Variants in CWF19L2 observed in about 807,000 individuals in gnomAD.
CWF19L2 encodes CWF19-like protein 2.
Under a neutral mutation model 111.7 loss-of-function variants are expected in CWF19L2, and 98 were observed. The ratio of observed to expected loss-of-function variants is 0.88; its 90% CI spans 0.75 to 1.04. CWF19L2 has a LOEUF of 1.04. CWF19L2 is among the 50% of genes least tolerant of loss of function. CWF19L2 has a pLI of 0.00. For synonymous variants in CWF19L2, 351 were observed against 342.9 expected (o/e 1.02, Z -0.26); for missense variants, 1,101 against 1,051.4 (o/e 1.05, Z -0.65).
At chr11:107,361,944 T>C (rs985929715) in intron 12 of CWF19L2, among the ~76,000 whole-genome samples, 1 of 152,044 alleles carries the variant, frequency 6.6e-6, no homozygotes, top group East Asian at 1.9e-4. Flanking sequence ...TGCCAGACAG[T>C]GGGCGCAGGT....
At chr11:107,356,351 C>T (rs1206898257) in intron 12 of CWF19L2, among the ~76,000 whole-genome samples, 1 of 151,960 alleles carries the variant, frequency 6.6e-6, no homozygotes, top group Non-Finnish European at 1.5e-5. Flanking sequence ...AAATAAAACC[C>T]AATGTAAATA....
At chr11:107,345,013 T>C (rs981399815) in intron 14 of CWF19L2, among the ~76,000 whole-genome samples, 1 of 152,148 alleles carries the variant, frequency 6.6e-6, no homozygotes, top group Non-Finnish European at 1.5e-5. Flanking sequence ...CCACTGATAC[T>C]ATCCTGACTG....
At chr11:107,393,085 A>G (rs1860872555) in intron 10 of CWF19L2, among the ~76,000 whole-genome samples, 190 bp from the exon 11 acceptor site, 1 of 152,178 alleles carries the variant, frequency 6.6e-6, no homozygotes, top group African/African-American at 2.4e-5. Context: ...AGGGTAAAAA[A>G]TACCCAATGT....
At chr11:107,446,369 G>A (rs7126753) in intron 3 of CWF19L2, among the ~76,000 whole-genome samples, 1,537 of 152,132 alleles carry the variant, frequency 0.01, 25 homozygotes, top group African/African-American at 0.035. Flanking sequence ...CTCTGCTCTC[G>A]CAATTCCTTA....
chr11:107,450,076 GTGAC>G (rs1190650836), intron 3 of CWF19L2, among the ~76,000 whole-genome samples: 3 of 151,646 alleles, frequency 2.0e-5, no homozygotes, highest in East Asian at 3.9e-4. Context: ...TCCAGCCTGG[GTGAC>G]AGTGTGAGAC....
chr11:107,450,204 G>A (rs1254993682), intron 3 of CWF19L2, among the ~76,000 whole-genome samples: 1 of 151,930 alleles, frequency 6.6e-6, no homozygotes, highest in Non-Finnish European at 1.5e-5. Context: ...AAGACTTTGA[G>A]ACCAGGCTGG....
At chr11:107,357,045 C>CAAAACA (rs60904777) in intron 12 of CWF19L2, among the ~76,000 whole-genome samples, 36,634 of 150,706 alleles carry the variant, frequency 0.24, 5,016 homozygotes, top group Non-Finnish European at 0.31. Flanking sequence ...TCTCAAACAA[C>CAAAACA]AAAACAAAAA....
chr11:107,340,577 A>G (rs985316684), intron 14 of CWF19L2, among the ~76,000 whole-genome samples: 1 of 152,212 alleles, frequency 6.6e-6, no homozygotes, highest in Non-Finnish European at 1.5e-5. Flanking sequence ...ATATGTAATA[A>G]TCTTGCTTAT....
intron 3 of CWF19L2, among the ~76,000 whole-genome samples, chr11:107,445,326 C>G (rs1317232019): frequency 6.6e-6 from 1 of 152,200 alleles, no homozygotes; most frequent in Admixed American, 6.5e-5. Context: ...GCACCCCAGG[C>G]TGGGCGCGGT....
chr11:107,374,424 G>A lies in CWF19L2; in HGVS notation c.1872+15650C>T, dbSNP rs1412981947. Among the ~76,000 whole-genome samples the A allele has an allele frequency of 1.2e-4, 13 of 106,548 alleles. 1 individual carries two copies. The highest frequency in any genetic ancestry group is 2.7e-4 in the Admixed American group (3 of 11,076). 69.9% of individuals were successfully genotyped at this position (106,548 alleles called of 152,430 possible). A position where few individuals can be genotyped will look rare whatever the true frequency, so the allele number is the denominator to read the frequency against. ...CCATCAGACTAACAGCAGATCTCTC[G>A]GCAGAAACTCTACAAGCCAGAAGAG... On this transcript the variant is annotated intron_variant, in intron 12 of 17. Coordinates refer to ENST00000282251, the MANE Select transcript of CWF19L2 (RefSeq NM_152434.3).
At chr11:107,395,185 T>C (rs908081516) in intron 10 of CWF19L2, among the ~76,000 whole-genome samples, 17 of 152,192 alleles carry the variant, frequency 1.1e-4, no homozygotes, top group African/African-American at 3.6e-4. Flanking sequence ...TGATAGTGAA[T>C]GGATCTCATG....
At chr11:107,328,266 G>A (rs1859792504) in intron 17 of CWF19L2, among the ~76,000 whole-genome samples, 1 of 151,912 alleles carries the variant, frequency 6.6e-6, no homozygotes, top group South Asian at 2.1e-4. Context: ...AGAGAAATAG[G>A]GCAAATTGAG....
intron 15 of CWF19L2, among the ~76,000 whole-genome samples, chr11:107,336,088 G>T (rs1859919373): frequency 6.6e-6 from 1 of 152,064 alleles, no homozygotes; most frequent in African/African-American, 2.4e-5. Context: ...GGGCGTAGTG[G>T]TGCATGCCTG....
chr11:107,429,585 T>G, intron 7 of CWF19L2, 134 bp from the exon 8 acceptor site: 1 of 617,980 alleles, frequency 1.6e-6, no homozygotes, highest in Non-Finnish European at 2.8e-6. Context: ...AGAAGACCCA[T>G]ACAATCATCC....
At chr11:107,372,304 T>G (rs1860521794) in intron 12 of CWF19L2, among the ~76,000 whole-genome samples, 1 of 135,064 alleles carries the variant, frequency 7.4e-6, no homozygotes, top group African/African-American at 3.0e-5. Context: ...CTGAAAGAGT[T>G]ATGATAAAGA....
At position 107,329,758 on chromosome 11, in the gene CWF19L2, T is replaced by C. The variant is rs1014340034; in HGVS notation, c.2541+160A>G. Among the ~76,000 whole-genome samples the C allele has an allele frequency of 1.1e-4, 16 of 152,320 alleles. No homozygotes were observed. In the East Asian group the frequency reaches 2.7e-3, roughly 26 times the overall value. On this transcript the variant is annotated intron_variant, in intron 17 of 17. Transcript: ENST00000282251. Reference sequence around the variant, plus strand: ...TGGCTCTGTTATATACATTCTGGGATATTTTTATTAATAGTTGCTAGGTAT... The same window carrying C: ...TGGCTCTGTTATATACATTCTGGGACATTTTTATTAATAGTTGCTAGGTAT...
Position 107,370,865 on chromosome 11 carries a change from T to C in CWF19L2, c.1873-17129A>G, listed in dbSNP as rs1385096522. Among the ~76,000 whole-genome samples, 28 of 138,324 alleles carry C rather than the reference T, an allele frequency of 2.0e-4. 7 individuals are homozygous for C. The highest frequency in any genetic ancestry group is 8.0e-4 in the African/African-American group (28 of 34,820). 90.7% of individuals were successfully genotyped at this position (138,324 alleles called of 152,430 possible). On this transcript the variant is annotated intron_variant, in intron 12 of 17. Transcript: ENST00000282251. Reference sequence around the variant, plus strand: ...ACTAATTCCTGTCATCTGTGTTTTGTAATATAGATAATTTAACATTAAACT... The same window carrying C: ...ACTAATTCCTGTCATCTGTGTTTTGCAATATAGATAATTTAACATTAAACT...
chr11:107,343,814 T>C (rs983448290), intron 14 of CWF19L2, among the ~76,000 whole-genome samples: 3 of 152,172 alleles, frequency 2.0e-5, no homozygotes, highest in African/African-American at 4.8e-5. Context: ...ACTGGGGCCA[T>C]TTTACCAATG....
chr11:107,379,925 G>A (rs1195881456), intron 12 of CWF19L2, among the ~76,000 whole-genome samples: 1 of 151,668 alleles, frequency 6.6e-6, no homozygotes, highest in Non-Finnish European at 1.5e-5. Context: ...GCCGGGCATG[G>A]TTGCAGGCCC....
Sources: allele counts gnomAD v4.1 joint callset (sites outside exome capture counted in the v4.1 genomes callset), GRCh38; gene constraint gnomAD v4.1.1; transcripts MANE v1.5; gene names NCBI Gene and HGNC (gene_info 2026-07-23, HGNC 2026-07-21).